The following ADAMTSL1 variants were observed in gnomAD, a reference collection of about 807,000 sequenced individuals.
ADAMTSL1 encodes ADAMTS-like protein 1.
A neutral mutation model predicts 201.8 loss-of-function variants in ADAMTSL1; 126 were observed. The ratio of observed to expected loss-of-function variants is 0.62; its 90% CI spans 0.54 to 0.72. The LOEUF (loss-of-function observed/expected upper bound fraction) is 0.72, where lower values mean the gene tolerates loss of function less well. ADAMTSL1 is among the 30% of genes least tolerant of loss of function. The probability of loss-of-function intolerance (pLI) is 0.00; values close to 1 mark genes in which losing one functional copy is unlikely to be tolerated. For missense variants in ADAMTSL1, 2,679 were observed against 2,277.8 expected (o/e 1.18, Z -3.59); for synonymous variants, 1,121 against 903.4 (o/e 1.24, Z -4.32).
At chr9:18,813,162 T>C (rs911888818) in intron 20 of ADAMTSL1, among the ~76,000 whole-genome samples, 5 of 152,090 alleles carry the variant, frequency 3.3e-5, no homozygotes, top group African/African-American at 1.2e-4. Context: ...AGATGGGGTT[T>C]CACCATGTTG....
At chr9:18,248,297 C>A (rs973135572) in intron 2 of ADAMTSL1, among the ~76,000 whole-genome samples, 1 of 152,026 alleles carries the variant, frequency 6.6e-6, no homozygotes, top group Non-Finnish European at 1.5e-5. Flanking sequence ...TTTCTGAAAA[C>A]GGCATCAGAC....
chr9:18,056,168 T>C (rs595375), intron 1 of ADAMTSL1, among the ~76,000 whole-genome samples: 1 of 151,728 alleles, frequency 6.6e-6, no homozygotes, highest in Non-Finnish European at 1.5e-5. Context: ...TTTTTTTTTT[T>C]CCTCTGCCCT....
chr9:18,681,761 G>C (rs971621899), intron 11 of ADAMTSL1, 51 bp from the exon 12 acceptor site: 2 of 1,367,212 alleles, frequency 1.5e-6, no homozygotes, highest in African/African-American at 3.2e-5. Flanking sequence ...GTGAAGAAAA[G>C]TAAACAAGGC....
At chr9:18,191,786 C>T (rs1401622136) in intron 2 of ADAMTSL1, among the ~76,000 whole-genome samples, 2 of 152,100 alleles carry the variant, frequency 1.3e-5, no homozygotes, top group African/African-American at 2.4e-5. Flanking sequence ...ATTCCAGTGA[C>T]TTGTCTTACT....
At chr9:18,350,258 C>T (rs533134663) in intron 2 of ADAMTSL1, among the ~76,000 whole-genome samples, 7 of 152,084 alleles carry the variant, frequency 4.6e-5, no homozygotes, top group African/African-American at 1.4e-4. Context: ...CTGTGCACCT[C>T]GGAACAATGG....
intron 2 of ADAMTSL1, among the ~76,000 whole-genome samples, chr9:18,245,544 G>A (rs560487743): frequency 6.6e-6 from 1 of 152,158 alleles, no homozygotes; most frequent in East Asian, 1.9e-4. Flanking sequence ...GAATTATGGG[G>A]TTGAGAAAAA....
In ADAMTSL1 at chr9:18,487,476, T is replaced by C. The variant is rs16936788; in HGVS notation, c.63+13181T>C. Among the ~76,000 whole-genome samples the C allele has an allele frequency of 6.2e-3, 940 of 152,298 alleles. 15 individuals are homozygous for C. The highest frequency in any genetic ancestry group is 0.061 in the East Asian group (314 of 5,176). On this transcript the variant is annotated intron_variant, in intron 1 of 28. Coordinates refer to ENST00000380548, the MANE Select transcript of ADAMTSL1 (RefSeq NM_001040272.6). ...ATTCTAATTTTGGACGATTACCACTTTTACTTTCCTTCCTCCTTCCCTGAA... is the reference window on the plus strand; with the variant it reads ...ATTCTAATTTTGGACGATTACCACTCTTACTTTCCTTCCTCCTTCCCTGAA...
intron 15 of ADAMTSL1, among the ~76,000 whole-genome samples, chr9:18,735,748 C>CTTTTCTTTTCTTTTTTTTTTTTT (rs762386875): frequency 9.4e-6 from 1 of 106,688 alleles, no homozygotes; most frequent in Non-Finnish European, 1.9e-5. Context: ...ATTCTTTTTT[C>CTTTTCTTTTCTTTTTTTTTTTTT]TTTTTTTTTT....
intron 7 of ADAMTSL1, chr9:18,651,589 T>A (rs1001961505): frequency 6.6e-6 from 1 of 152,202 alleles, no homozygotes; most frequent in African/African-American, 2.4e-5. Flanking sequence ...GAACACTTAT[T>A]TCCTGCAGAG....
chr9:18,184,574 T>C (rs750348893), intron 2 of ADAMTSL1, among the ~76,000 whole-genome samples: 5 of 152,220 alleles, frequency 3.3e-5, no homozygotes, highest in Non-Finnish European at 5.9e-5. Context: ...AATTTCACCA[T>C]AGCCAAGTGC....
At chr9:18,220,033 C>G (rs1050843406) in intron 2 of ADAMTSL1, among the ~76,000 whole-genome samples, 1 of 151,966 alleles carries the variant, frequency 6.6e-6, no homozygotes, top group African/African-American at 2.4e-5. Context: ...CACTAGCTAC[C>G]TTGGCCTAGA....
intron 26 of ADAMTSL1, 143 bp downstream of exon 26, chr9:18,892,739 C>T (rs1829366730): frequency 2.3e-6 from 2 of 882,234 alleles, no homozygotes; most frequent in Non-Finnish European, 3.4e-6. Context: ...TGTGGGTTGT[C>T]CAGCTGAGAC....
chr9:18,630,184 T>TAAAAG (rs1398886792), intron 5 of ADAMTSL1, among the ~76,000 whole-genome samples: 22 of 152,310 alleles, frequency 1.4e-4, no homozygotes, highest in Admixed American at 9.8e-4. Flanking sequence ...AAGCCATGTT[T>TAAAAG]GGTCTAGAGC....
At chr9:18,477,733 T>C (rs1395497497) in intron 1 of ADAMTSL1, among the ~76,000 whole-genome samples, 4 of 152,230 alleles carry the variant, frequency 2.6e-5, no homozygotes, top group African/African-American at 9.6e-5. Flanking sequence ...ATCACTTTCT[T>C]CATGTTTTTG....
At chr9:18,847,231 T>C (rs548291044) in intron 23 of ADAMTSL1, among the ~76,000 whole-genome samples, 1 of 152,250 alleles carries the variant, frequency 6.6e-6, no homozygotes, top group East Asian at 1.9e-4. Flanking sequence ...GACTGCTTTC[T>C]TTGATGAAAG....
intron 7 of ADAMTSL1, among the ~76,000 whole-genome samples, chr9:18,649,700 G>A (rs568305525): frequency 1.3e-5 from 2 of 152,160 alleles, no homozygotes; most frequent in Admixed American, 6.5e-5. Context: ...CTACAGAACT[G>A]CAGATTTTCA....
rs146585541 is a variant in ADAMTSL1, at chr9:18,318,992, C to T, written c.207+155011C>T. On this transcript the variant is annotated intron_variant, in intron 2 of 29. Transcript: ENST00000680146. ...GGGAGGCCAAGGTGGGAGGATGGCACGAATCCAGGAATTTGAGACTAGCCT... is the reference window on the plus strand; with the variant it reads ...GGGAGGCCAAGGTGGGAGGATGGCATGAATCCAGGAATTTGAGACTAGCCT... 2.4e-3 allele frequency among the ~76,000 whole-genome samples: 363 copies of T among 152,248 alleles called. 4 individuals are homozygous for T. The highest frequency in any genetic ancestry group is 8.1e-3 in the African/African-American group (337 of 41,554).
At chr9:18,890,739 C>A in intron 25 of ADAMTSL1, 1 of 349,240 alleles carries the variant, frequency 2.9e-6, no homozygotes, top group Non-Finnish European at 5.7e-6. Flanking sequence ...CACCCCAGCT[C>A]CTGAAAAATT....
At chr9:18,837,973 C>T (rs1362391073) in intron 23 of ADAMTSL1, among the ~76,000 whole-genome samples, 2 of 152,102 alleles carry the variant, frequency 1.3e-5, no homozygotes, top group African/African-American at 4.8e-5. Context: ...TGGCTTAGGC[C>T]TCCATGAGGT....
Sources: gnomAD v4.1 joint callset for allele counts (sites outside exome capture counted in the v4.1 genomes callset) on GRCh38, gnomAD v4.1.1 for gene constraint, MANE v1.5 for transcripts, NCBI Gene and HGNC (gene_info 2026-07-23, HGNC 2026-07-21) for gene names.